Variants in TTC39C observed in about 807,000 individuals in gnomAD.
TTC39C encodes the protein tetratricopeptide repeat protein 39C.
In TTC39C, 33 loss-of-function variants were observed where a neutral mutation model predicts 76.3. The ratio of observed to expected loss-of-function variants is 0.43; its 90% confidence interval spans 0.33 to 0.58. The LOEUF is 0.58. Among genes scored for constraint, TTC39C ranks in the 20% least tolerant of loss-of-function variants. The probability of loss-of-function intolerance (pLI) is 0.04; values close to 1 mark genes in which losing one functional copy is unlikely to be tolerated. For missense variants in TTC39C, 595 were observed against 701.4 expected (o/e 0.85, Z 1.71); for synonymous variants, 254 against 260.6 (o/e 0.97, Z 0.24).
intron 10 of TTC39C, among the ~76,000 whole-genome samples, chr18:24,128,094 G>A (rs1395810867): frequency 1.3e-5 from 2 of 152,092 alleles, no homozygotes; most frequent in Non-Finnish European, 2.9e-5. Flanking sequence ...CTCTGAGAAG[G>A]AATTTTTTGT....
chr18:24,100,835 A>G (rs2084664735), intron 6 of TTC39C, among the ~76,000 whole-genome samples: 1 of 152,182 alleles, frequency 6.6e-6, no homozygotes, highest in Non-Finnish European at 1.5e-5. Context: ...GAGGGTTGGA[A>G]TAAGTCAGGG....
At chr18:24,054,195 G>A (rs1032759025) in intron 1 of TTC39C, among the ~76,000 whole-genome samples, 4 of 152,122 alleles carry the variant, frequency 2.6e-5, no homozygotes, top group African/African-American at 9.7e-5. Flanking sequence ...TGTGCTAAGG[G>A]TGCTCTGGGT....
chr18:24,090,125 T>A lies in TTC39C; in HGVS notation c.984+7044T>A, dbSNP rs540194878. Among the ~76,000 whole-genome samples the A allele has an allele frequency of 1.8e-4, 28 of 152,334 alleles. 1 individual carries two copies. The South Asian group carries it at 3.7e-3, about 20-fold the overall frequency. ...TTAGATTTCCCTTGTGTTAATAATCTACTATTTTCCTGTTGTTGGGAAATT... is the reference window on the plus strand; with the variant it reads ...TTAGATTTCCCTTGTGTTAATAATCAACTATTTTCCTGTTGTTGGGAAATT... On this transcript the variant is annotated intron_variant, in intron 6 of 13. Coordinates refer to ENST00000317571, the MANE Select transcript of TTC39C (RefSeq NM_001135993.2).
chr18:24,093,262 G>A (rs372769230), intron 6 of TTC39C, among the ~76,000 whole-genome samples: 3 of 152,074 alleles, frequency 2.0e-5, no homozygotes, highest in East Asian at 1.9e-4. Context: ...GGCAGATCAC[G>A]AGGTCAGGAG....
chr18:24,110,845 T>C (rs1332403820), intron 6 of TTC39C, among the ~76,000 whole-genome samples: 2 of 152,250 alleles, frequency 1.3e-5, no homozygotes, highest in Non-Finnish European at 2.9e-5. Context: ...ATATTGTTTC[T>C]CATTTTACTA....
At chr18:24,085,717 C>T (rs1018417648) in intron 6 of TTC39C, among the ~76,000 whole-genome samples, 1 of 152,156 alleles carries the variant, frequency 6.6e-6, no homozygotes, top group East Asian at 1.9e-4. Context: ...AGAACTCCTT[C>T]ACAGTTAAGC....
Position 24,014,816 on chromosome 18 carries a change from G to A in TTC39C, c.-56G>A. On this transcript the variant is annotated 5_prime_UTR_variant, in exon 1 of 14. Coordinates refer to ENST00000317571, the MANE Select transcript of TTC39C (RefSeq NM_001135993.2). ...AGAGCCGGGCTCCGGGCGCGCGCGG[G>A]GCCGCAGCAGCTGCTCCCGATCTCG... is the stretch of plus-strand genomic sequence containing the variant. 8.3e-7 allele frequency: 1 copy of A among 1,207,518 alleles called. No homozygotes were observed. 74.8% of individuals were successfully genotyped at this position (1,207,518 alleles called of 1,614,324 possible). A position where few individuals can be genotyped will look rare whatever the true frequency, so the allele number is the denominator to read the frequency against.
Position 24,130,361 on chromosome 18 carries a change from T to C in TTC39C, c.1567T>C (p.Tyr523His), listed in dbSNP as rs770977286. 1.9e-6 allele frequency: 3 copies of C among 1,593,982 alleles called. No individual in the cohort carries two copies. The highest frequency in any genetic ancestry group is 2.6e-6 in the Non-Finnish European group (3 of 1,171,128). The change falls in exon 12 of 14, where the codon TAT becomes CAT. Residue 523 changes from tyrosine to histidine, a missense_variant. By Grantham distance (83) the Tyr-to-His change is moderately conservative (BLOSUM62 2). Transcript: ENST00000317571. ...TGAATTGTGTCGTCAGAATAACTTA[T>C]ATGTTCAGCCGTATGCCTGTTATGA... ...KDELCRQNNLYVQPYACYELG... is the reference protein window; with the variant it reads ...KDELCRQNNLHVQPYACYELG...
At chr18:24,009,722 A>T (rs1291163693) in intron 1 of TTC39C, among the ~76,000 whole-genome samples, 1 of 152,218 alleles carries the variant, frequency 6.6e-6, no homozygotes, top group Non-Finnish European at 1.5e-5. Flanking sequence ...TGGAGGAGAG[A>T]CAATGCCTTC....
intron 6 of TTC39C, among the ~76,000 whole-genome samples, chr18:24,093,870 C>T (rs80003746): frequency 2.0e-5 from 3 of 152,114 alleles, no homozygotes; most frequent in Non-Finnish European, 4.4e-5. Flanking sequence ...GCCTAGATGT[C>T]GATGGCTACT....
intron 10 of TTC39C, 79 bp downstream of exon 10, chr18:24,125,629 C>A: frequency 6.4e-7 from 1 of 1,559,674 alleles, no homozygotes; most frequent in Non-Finnish European, 8.8e-7. Flanking sequence ...TTCAGTTTCC[C>A]GTTTATTTCA....
At chr18:24,121,344 G>A (rs4486993) in intron 8 of TTC39C, among the ~76,000 whole-genome samples, 73,413 of 151,946 alleles carry the variant, frequency 0.48, 20,786 homozygotes, top group Non-Finnish European at 0.65. Context: ...AGGCCGAGGC[G>A]TGTGGATCAC....
Position 24,069,233 on chromosome 18 carries a change from A to G in TTC39C, c.422A>G (p.Tyr141Cys). Residue 141 changes from tyrosine to cysteine, a missense_variant, in exon 4 of 14, where the codon TAC (tyrosine) becomes TGC (cysteine). Tyr to Cys is a radical substitution (Grantham distance 194, BLOSUM62 -2). Transcript: ENST00000317571. ...RQIIIADCQV[Y>C]LAVLSFVKQE... ...ATAATCATAGCTGACTGCCAGGTTTACCTGGCTGTGCTTTCATTTGTAAAA... is the reference window on the plus strand; with the variant it reads ...ATAATCATAGCTGACTGCCAGGTTTGCCTGGCTGTGCTTTCATTTGTAAAA... The G allele has an allele frequency of 6.2e-7, 1 of 1,614,066 alleles. No homozygotes were observed. Among genetic ancestry groups the G allele is most frequent in the Non-Finnish European group, 8.5e-7 (1 of 1,179,918 alleles).
chr18:24,023,940 A>C (rs868735929), intron 1 of TTC39C, among the ~76,000 whole-genome samples: 7,426 of 31,288 alleles, frequency 0.24, 531 homozygotes, highest in Non-Finnish European at 0.44. Flanking sequence ...TTACATATAT[A>C]TATATGCATG....
At chr18:24,125,279 T>A (rs1415609021) in intron 9 of TTC39C, 148 bp from the exon 10 acceptor site, 1 of 1,075,534 alleles carries the variant, frequency 9.3e-7, no homozygotes, top group Non-Finnish European at 1.3e-6. Flanking sequence ...CAACATTTTT[T>A]ATAGAGAGAA....
chr18:24,110,419 T>A (rs1460791858), intron 6 of TTC39C, among the ~76,000 whole-genome samples: 1 of 152,134 alleles, frequency 6.6e-6, no homozygotes, highest in Non-Finnish European at 1.5e-5. Flanking sequence ...CAAACAAATT[T>A]GTTGTAAAAG....
At chr18:24,111,247 CTG>C (rs1255999407) in intron 6 of TTC39C, among the ~76,000 whole-genome samples, 1 of 152,076 alleles carries the variant, frequency 6.6e-6, no homozygotes, top group Non-Finnish European at 1.5e-5. Flanking sequence ...CGCCCGGCCT[CTG>C]TGAGAGTTTT....
chr18:24,019,715 T>C (rs1343271455), intron 1 of TTC39C: 2 of 659,224 alleles, frequency 3.0e-6, no homozygotes, highest in Non-Finnish European at 4.9e-6. Flanking sequence ...CACCAGCTTT[T>C]GTAAATAAAG....
intron 6 of TTC39C, among the ~76,000 whole-genome samples, chr18:24,083,969 C>G (rs926387198): frequency 2.0e-5 from 3 of 152,188 alleles, no homozygotes; most frequent in Non-Finnish European, 4.4e-5. Context: ...AAATCAGCCC[C>G]CATGAGTCCT....
Sources: allele counts gnomAD v4.1 joint callset (sites outside exome capture counted in the v4.1 genomes callset), GRCh38; gene constraint gnomAD v4.1.1; transcripts MANE v1.5; gene names NCBI Gene and HGNC (gene_info 2026-07-23, HGNC 2026-07-21).